The following DIS3L2 variants were observed in gnomAD, a reference collection of about 807,000 sequenced individuals.
DIS3L2 encodes DIS3-like exonuclease 2.
In DIS3L2, 34 loss-of-function variants were observed where a neutral mutation model predicts 97.5. The ratio of observed to expected loss-of-function variants is 0.35; its 90% CI spans 0.27 to 0.46. The LOEUF is 0.46. DIS3L2 is among the 20% of genes least tolerant of loss of function. The pLI is 1.00. For synonymous variants in DIS3L2, 435 were observed against 445.2 expected, an observed-to-expected ratio of 0.98 and a Z score of 0.29; for missense variants, 1,038 against 1,146.0, an observed-to-expected ratio of 0.91 and a Z score of 1.36.
intron 10 of DIS3L2, among the ~76,000 whole-genome samples, chr2:232,235,364 C>G (rs1692906075): frequency 6.6e-6 from 1 of 152,184 alleles, no homozygotes; most frequent in South Asian, 2.1e-4. Context: ...ATAAAAAGTT[C>G]AGTGCCACCA....
intron 6 of DIS3L2, among the ~76,000 whole-genome samples, chr2:232,115,212 G>A (rs1390423942): frequency 6.6e-6 from 1 of 152,006 alleles, no homozygotes; most frequent in East Asian, 1.9e-4. Flanking sequence ...TCAAACCATA[G>A]CAGGAAGTAA....
At position 232,292,625 on chromosome 2, in the gene DIS3L2, A is replaced by G. The variant is rs986050481; in HGVS notation, c.1660-7415A>G. Among the ~76,000 whole-genome samples the G allele has an allele frequency of 6.6e-6, 1 of 151,822 alleles. No homozygotes were observed. The highest frequency in any genetic ancestry group is 1.5e-5 in the Non-Finnish European group (1 of 68,038). On this transcript the variant is annotated intron_variant, in intron 13 of 20. Transcript: ENST00000325385. This position sits in a 1 kb window ranked among gnomAD's most constrained non-coding sequence, Gnocchi z 4.4. ...GGCCCCACCCTAGAGCAGGAGGCCTAGGTCCAAAGGGGACCCAGTGGTAGT... is the reference window on the plus strand; with the variant it reads ...GGCCCCACCCTAGAGCAGGAGGCCTGGGTCCAAAGGGGACCCAGTGGTAGT...
At chr2:232,051,769 A>G (rs575805391) in intron 5 of DIS3L2, among the ~76,000 whole-genome samples, 1,768 of 122,368 alleles carry the variant, frequency 0.014, 17 homozygotes, top group Non-Finnish European at 0.02. Flanking sequence ...CCGAGATCCC[A>G]CCACTGCACT....
At chr2:231,971,774 G>T (rs960372171) in intron 1 of DIS3L2, among the ~76,000 whole-genome samples, 14 of 150,840 alleles carry the variant, frequency 9.3e-5, no homozygotes, top group Non-Finnish European at 1.6e-4. Context: ...TAGAGACGGG[G>T]TTTCACCGTG....
chr2:232,319,030 T>TA (rs1251194437), intron 14 of DIS3L2, among the ~76,000 whole-genome samples: 1 of 152,156 alleles, frequency 6.6e-6, no homozygotes, highest in Non-Finnish European at 1.5e-5. Context: ...CTACTGCCAG[T>TA]CTTAGCACTG....
intron 10 of DIS3L2, among the ~76,000 whole-genome samples, chr2:232,215,369 C>A (rs990756535): frequency 6.6e-6 from 1 of 152,214 alleles, no homozygotes; most frequent in Non-Finnish European, 1.5e-5. Flanking sequence ...AAAGAAGGGT[C>A]TGTCCCACTA....
At chr2:232,198,110 G>C (rs1345358115) in intron 9 of DIS3L2, among the ~76,000 whole-genome samples, 1 of 152,000 alleles carries the variant, frequency 6.6e-6, no homozygotes, top group East Asian at 1.9e-4. Flanking sequence ...TGTGACCTTG[G>C]GCTTCTTTGA....
chr2:232,320,221 T>G (rs1056577472), intron 14 of DIS3L2, among the ~76,000 whole-genome samples: 1 of 152,080 alleles, frequency 6.6e-6, no homozygotes, highest in Non-Finnish European at 1.5e-5. Flanking sequence ...GCTCTGAACC[T>G]AGGTCATAAA....
chr2:232,087,506 A>G lies in DIS3L2; in HGVS notation c.386A>G (p.Asn129Ser), dbSNP rs1253191108. 7 of 1,613,468 alleles carry G rather than the reference A, an allele frequency of 4.3e-6. No individual in the cohort carries two copies. The highest frequency in any genetic ancestry group is 2.7e-5 in the African/African-American group (2 of 74,956). The stretch of plus-strand genomic sequence containing the variant: ...CTTTAGGTAGTTAAACCAGAGAGCA[A>G]TGACAAAGAAACAGAAGCTGCGTAT... ...EHWKVVKPES[N>S]DKETEAAYES... The change falls in exon 6 of 21, where the codon AAT (asparagine) becomes AGT (serine). Residue 129 changes from asparagine (N) to serine (S), a missense_variant. By Grantham distance (46) the Asn-to-Ser change is conservative. Transcript: ENST00000325385.
intron 9 of DIS3L2, among the ~76,000 whole-genome samples, chr2:232,179,561 G>T (rs10469788): frequency 0.098 from 390 of 3,970 alleles, no homozygotes; most frequent in South Asian, 0.17. Context: ...GTCGAGGAAT[G>T]TATCCATTTC....
intron 10 of DIS3L2, among the ~76,000 whole-genome samples, chr2:232,221,835 A>G (rs1321684770): frequency 6.6e-6 from 1 of 151,918 alleles, no homozygotes; most frequent in Admixed American, 6.6e-5. Context: ...CTTCAGGGCA[A>G]TTTTCTGCTT....
At chr2:232,067,290 C>T (rs1004844157) in intron 5 of DIS3L2, among the ~76,000 whole-genome samples, 4 of 152,190 alleles carry the variant, frequency 2.6e-5, no homozygotes, top group African/African-American at 9.7e-5. Flanking sequence ...ATCATTTTCT[C>T]TAGACGCTAC....
At chr2:232,250,335 G>T (rs188280043) in intron 12 of DIS3L2, among the ~76,000 whole-genome samples, 1 of 138,244 alleles carries the variant, frequency 7.2e-6, no homozygotes, top group Non-Finnish European at 1.6e-5. Context: ...AACAGTAAAA[G>T]GATTTTTTTT....
chr2:232,307,361 A>T (rs759686668), intron 14 of DIS3L2, among the ~76,000 whole-genome samples: 60 of 152,206 alleles, frequency 3.9e-4, no homozygotes, highest in Non-Finnish European at 7.3e-4. Flanking sequence ...TTGCCGTAGG[A>T]TTATCATGAT....
intron 1 of DIS3L2, among the ~76,000 whole-genome samples, chr2:232,007,199 T>C (rs1197495335): frequency 6.6e-6 from 1 of 152,124 alleles, no homozygotes; most frequent in African/African-American, 2.4e-5. Context: ...TAAAATAACA[T>C]GAAGAACACA....
At chr2:232,340,227 A>C (rs1486320382), downstream of DIS3L2, among the ~76,000 whole-genome samples, 1 of 152,200 alleles carries the variant, frequency 6.6e-6, no homozygotes, top group Non-Finnish European at 1.5e-5. Context: ...TGGAAAGCAG[A>C]AGGTGAGTGT....
At chr2:232,090,736 A>G (rs1036004297) in intron 6 of DIS3L2, among the ~76,000 whole-genome samples, 6 of 152,208 alleles carry the variant, frequency 3.9e-5, no homozygotes, top group African/African-American at 1.4e-4. Flanking sequence ...ATCCTGGTTC[A>G]TGCTTGTGTT....
chr2:231,993,414 A>T (rs949856057), intron 1 of DIS3L2, among the ~76,000 whole-genome samples: 2 of 151,622 alleles, frequency 1.3e-5, no homozygotes, highest in South Asian at 2.1e-4. Context: ...GGGTTTCGCC[A>T]TGTTGGCCTG....
At chr2:232,190,484 A>G (rs1055203853) in intron 9 of DIS3L2, among the ~76,000 whole-genome samples, 1 of 152,202 alleles carries the variant, frequency 6.6e-6, no homozygotes, top group Non-Finnish European at 1.5e-5. Context: ...TTTAAAGAAC[A>G]TGAACGACAC....
Sources: gnomAD v4.1 joint callset for allele counts (sites outside exome capture counted in the v4.1 genomes callset) on GRCh38, gnomAD v4.1.1 for gene constraint, Gnocchi (gnomAD v3.1) non-coding constraint, MANE v1.5 for transcripts, NCBI Gene and HGNC (gene_info 2026-07-23, HGNC 2026-07-21) for gene names.